The following DAB1 variants were observed in gnomAD, a reference collection of about 807,000 sequenced individuals.
The protein encoded by DAB1 is disabled homolog 1.
A neutral mutation model predicts 64.6 loss-of-function variants in DAB1; 15 were observed. That is an observed-to-expected ratio of 0.23 (90% confidence interval 0.16 to 0.36). The LOEUF (loss-of-function observed/expected upper bound fraction) is 0.36, where lower values mean the gene tolerates loss of function less well. Ranked by LOEUF, DAB1 falls within the 10% of genes least tolerant of loss-of-function variation. The probability of loss-of-function intolerance (pLI) is 1.00; values close to 1 mark genes in which losing one functional copy is unlikely to be tolerated. For synonymous variants in DAB1, 235 were observed against 251.9 expected, an observed-to-expected ratio of 0.93 and a Z score of 0.64; for missense variants, 596 against 706.7, an observed-to-expected ratio of 0.84 and a Z score of 1.78.
chr1:57,600,747 G>A (rs571937625), intron 7 of DAB1, among the ~76,000 whole-genome samples: 153 of 152,260 alleles, frequency 1.0e-3, no homozygotes, highest in African/African-American at 3.1e-3. Flanking sequence ...GCAAAGCAGC[G>A]AAAAATTTCA....
intron 6 of DAB1, among the ~76,000 whole-genome samples, chr1:57,705,173 C>T (rs777439572): frequency 3.9e-5 from 6 of 152,130 alleles, no homozygotes; most frequent in African/African-American, 7.2e-5. Context: ...AAGAGCCAGA[C>T]GAACTAGTCT....
intron 3 of DAB1, among the ~76,000 whole-genome samples, chr1:58,488,614 G>A (rs1035991971): frequency 4.6e-5 from 7 of 151,822 alleles, no homozygotes; most frequent in African/African-American, 1.2e-4. Flanking sequence ...ACCATGTCTC[G>A]CTAATTTTTG....
intron 7 of DAB1, among the ~76,000 whole-genome samples, chr1:57,493,045 CAT>C (rs376608273): frequency 6.6e-6 from 1 of 152,232 alleles, no homozygotes; most frequent in Non-Finnish European, 1.5e-5. Flanking sequence ...TCTCAGAGCA[CAT>C]GTCACATAGC....
At chr1:58,428,496 A>G (rs537599913) in intron 3 of DAB1, among the ~76,000 whole-genome samples, 1 of 152,360 alleles carries the variant, frequency 6.6e-6, no homozygotes, top group African/African-American at 2.4e-5. Context: ...CCAAAGAGCT[A>G]TATGTCAACT....
At chr1:57,005,107 C>T (rs868067596) in intron 14 of DAB1, among the ~76,000 whole-genome samples, 1 of 152,096 alleles carries the variant, frequency 6.6e-6, no homozygotes, top group Non-Finnish European at 1.5e-5. Flanking sequence ...TTGACACTGC[C>T]GAATGCCCTT....
At chr1:58,355,818 T>C (rs1165942304) in intron 3 of DAB1, among the ~76,000 whole-genome samples, 1 of 152,206 alleles carries the variant, frequency 6.6e-6, no homozygotes, top group Non-Finnish European at 1.5e-5. Context: ...AAGCAAGTAA[T>C]GCCTCTAATC....
At position 57,766,377 on chromosome 1, in the gene DAB1, A is replaced by G. The variant is rs557751186; in HGVS notation, n.552-116712T>C. 2.5e-3 allele frequency among the ~76,000 whole-genome samples: 382 copies of G among 152,026 alleles called. No individual in the cohort carries two copies. In the Middle Eastern group the frequency reaches 0.034, roughly 14 times the overall value. ...CCTTGATTTCTTCTTATCTCAGAGT[A>G]CGCACCAAAGTCGCCACTAACTCTC... On this transcript the variant is annotated intron_variant and non_coding_transcript_variant, in intron 6 of 20. Transcript: ENST00000485760.
intron 1 of DAB1, among the ~76,000 whole-genome samples, chr1:57,412,261 A>G (rs1328717457): frequency 1.3e-5 from 2 of 152,224 alleles, no homozygotes; most frequent in African/African-American, 4.8e-5. Flanking sequence ...AGACACAGCA[A>G]TATTGAAATA....
chr1:57,952,887 C>T (rs1035147279), intron 5 of DAB1, among the ~76,000 whole-genome samples: 2 of 151,834 alleles, frequency 1.3e-5, no homozygotes, highest in Admixed American at 1.3e-4. Flanking sequence ...TGAGGCATCC[C>T]AGTCCATTCT....
chr1:57,926,720 C>T (rs553378834), intron 5 of DAB1, among the ~76,000 whole-genome samples: 19 of 152,336 alleles, frequency 1.2e-4, no homozygotes, highest in Middle Eastern at 3.4e-3. Flanking sequence ...CAGATGGCCT[C>T]TACTTACAAA....
In DAB1 at chr1:57,015,404, G is replaced by C. The variant is rs1254419870; in HGVS notation, c.923C>G (p.Pro308Arg). Residue 308 changes from proline (P) to arginine (R), a missense_variant, in exon 12 of 15, where the codon CCG (proline) becomes CGG (arginine). By Grantham distance (103) the Pro-to-Arg change is moderately radical. Coordinates refer to ENST00000371236, the MANE Select transcript of DAB1 (RefSeq NM_001365792.1). ...GAGGGGCTGCTGACCCCAGAAGGAC[G>C]GGAGGACAGCGCCCATTGCAACGTA... ...SGYVAMGAVL[P>R]SFWGQQPLVQ... 1 of 1,613,270 alleles carries C rather than the reference G, an allele frequency of 6.2e-7. No homozygotes were observed. Among genetic ancestry groups the C allele is most frequent in the East Asian group, 2.2e-5 (1 of 44,834 alleles).
At chr1:57,679,956 G>C (rs1370894419) in intron 6 of DAB1, among the ~76,000 whole-genome samples, 1 of 152,148 alleles carries the variant, frequency 6.6e-6, no homozygotes, top group Non-Finnish European at 1.5e-5. Context: ...GAGGTGAAAT[G>C]GCTCATTCAA....
At chr1:58,235,254 T>C (rs994762640) in intron 4 of DAB1, among the ~76,000 whole-genome samples, 11 of 152,244 alleles carry the variant, frequency 7.2e-5, no homozygotes, top group African/African-American at 2.7e-4. Context: ...ATCCCCATTT[T>C]ACAGCAATGG....
At chr1:57,923,782 C>T (rs570197584) in intron 5 of DAB1, among the ~76,000 whole-genome samples, 2 of 152,294 alleles carry the variant, frequency 1.3e-5, no homozygotes, top group South Asian at 4.1e-4. Context: ...TCGGTTTCTC[C>T]TTCTACCAGA....
intron 3 of DAB1, among the ~76,000 whole-genome samples, chr1:58,485,306 C>T (rs551821835): frequency 1.0e-4 from 15 of 147,936 alleles, no homozygotes; most frequent in East Asian, 7.9e-4. Context: ...TTGTTTCTAC[C>T]GCTTTTGCTC....
At chr1:58,277,108 C>T (rs955399964) in intron 4 of DAB1, among the ~76,000 whole-genome samples, 14 of 141,632 alleles carry the variant, frequency 9.9e-5, no homozygotes, top group African/African-American at 1.9e-4. Flanking sequence ...GGTATGATCT[C>T]GGCTCCCTGC....
intron 3 of DAB1, among the ~76,000 whole-genome samples, chr1:58,412,022 T>C (rs1569741859): frequency 6.6e-6 from 1 of 152,196 alleles, no homozygotes; most frequent in South Asian, 2.1e-4. Context: ...TCAGGCTATG[T>C]TGCACAAAGA....
At chr1:57,525,283 G>A (rs1276285802) in intron 7 of DAB1, among the ~76,000 whole-genome samples, 1 of 152,144 alleles carries the variant, frequency 6.6e-6, no homozygotes, top group Non-Finnish European at 1.5e-5. Context: ...CCATACAGGA[G>A]CAGAATATGG....
intron 6 of DAB1, among the ~76,000 whole-genome samples, chr1:57,743,355 G>A (rs956670150): frequency 6.6e-6 from 1 of 152,098 alleles, no homozygotes; most frequent in Non-Finnish European, 1.5e-5. Flanking sequence ...CCACCCTTGA[G>A]AATGTACTTT....
Sources: allele counts gnomAD v4.1 joint callset (sites outside exome capture counted in the v4.1 genomes callset), GRCh38; gene constraint gnomAD v4.1.1; transcripts MANE v1.5; gene names NCBI Gene and HGNC (gene_info 2026-07-23, HGNC 2026-07-21).